ATP9A: variants seen among roughly 807,000 people sequenced by gnomAD.
ATP9A encodes ATPase phospholipid transporting 9A, also known as probable phospholipid-transporting ATPase IIA.
In ATP9A, 52 loss-of-function variants were observed where a neutral mutation model predicts 144.1. The ratio of observed to expected loss-of-function variants is 0.36; its 90% CI spans 0.29 to 0.45. ATP9A has a LOEUF of 0.45. ATP9A is among the 20% of genes least tolerant of loss of function. The probability of loss-of-function intolerance (pLI) is 1.00; values close to 1 mark genes in which losing one functional copy is unlikely to be tolerated. For missense variants in ATP9A, 947 were observed against 1,392.7 expected (o/e 0.68, Z 5.09); for synonymous variants, 582 against 557.4 (o/e 1.04, Z -0.62).
intron 1 of ATP9A, among the ~76,000 whole-genome samples, chr20:51,730,617 C>T (rs1240137388): frequency 6.6e-6 from 1 of 152,228 alleles, no homozygotes; most frequent in Admixed American, 6.5e-5. Flanking sequence ...ACTTACACAA[C>T]CTGGCTGCCA....
At chr20:51,763,639 GCT>G (rs1467988016) in intron 1 of ATP9A, among the ~76,000 whole-genome samples, 1 of 152,100 alleles carries the variant, frequency 6.6e-6, no homozygotes. Flanking sequence ...ATAGATGTAT[GCT>G]ATATAAATTA....
chr20:51,709,940 A>G (rs555806137), intron 4 of ATP9A, among the ~76,000 whole-genome samples: 1 of 152,214 alleles, frequency 6.6e-6, no homozygotes, highest in Non-Finnish European at 1.5e-5. Context: ...TCTATAATCT[A>G]GTGATCAAGG....
intron 27 of ATP9A, among the ~76,000 whole-genome samples, chr20:51,604,011 C>A (rs1056720038): frequency 1.3e-5 from 2 of 152,118 alleles, no homozygotes; most frequent in African/African-American, 4.8e-5. Flanking sequence ...AAACTCCTGA[C>A]CTCGTGATCC....
intron 22 of ATP9A, among the ~76,000 whole-genome samples, chr20:51,614,303 A>G (rs998733816): frequency 6.6e-6 from 1 of 151,988 alleles, no homozygotes; most frequent in South Asian, 2.1e-4. Context: ...GTATTTTTTA[A>G]TTTTTATTTT....
rs35997419 is a variant in ATP9A at position 51,600,807 on chromosome 20, AACACAC to A, written c.*398_*403del. The A allele has an allele frequency of 0.036, 4,386 of 120,600 alleles. 158 individuals carry two copies. Among genetic ancestry groups the A allele is most frequent in the African/African-American group, 0.095 (3,537 of 37,300 alleles). 7.5% of individuals were successfully genotyped at this position (120,600 alleles called of 1,614,324 possible). On this transcript the variant is annotated 3_prime_UTR_variant, in exon 28 of 28. Transcript: ENST00000338821. Reference sequence around the variant, plus strand: ...TACATACACATTAGGACTCTTTAAAAACACACACACACACACACACACACACACACA... The same window carrying A: ...TACATACACATTAGGACTCTTTAAAAACACACACACACACACACACACACA...
At chr20:51,713,538 G>C (rs1008190744) in intron 3 of ATP9A, among the ~76,000 whole-genome samples, 2 of 152,170 alleles carry the variant, frequency 1.3e-5, no homozygotes, top group Non-Finnish European at 2.9e-5. Flanking sequence ...GAGGCACAGA[G>C]AGGCTGAGTA....
At chr20:51,746,862 C>A (rs1012227133) in intron 1 of ATP9A, among the ~76,000 whole-genome samples, 2 of 150,794 alleles carry the variant, frequency 1.3e-5, no homozygotes, top group Non-Finnish European at 1.5e-5. Flanking sequence ...AAAAATCAAT[C>A]AGGTGTGGTG....
chr20:51,731,290 C>T (rs926353887), intron 1 of ATP9A, among the ~76,000 whole-genome samples: 1 of 151,854 alleles, frequency 6.6e-6, no homozygotes, highest in African/African-American at 2.4e-5. Flanking sequence ...CAGAGCGAGA[C>T]TCCGTCTCAA....
chr20:51,754,621 C>G (rs548280595), intron 1 of ATP9A, among the ~76,000 whole-genome samples: 232 of 151,912 alleles, frequency 1.5e-3, no homozygotes, highest in African/African-American at 5.2e-3. Flanking sequence ...TGAGACCAGC[C>G]TGGCCAACAT....
chr20:51,642,860 T>C (rs1195255372), intron 14 of ATP9A, among the ~76,000 whole-genome samples: 2 of 151,692 alleles, frequency 1.3e-5, no homozygotes, highest in African/African-American at 4.8e-5. Context: ...TAGTCCTTTC[T>C]TTCTCTGGAA....
At chr20:51,707,549 T>C (rs2077619875) in intron 4 of ATP9A, among the ~76,000 whole-genome samples, 1 of 152,128 alleles carries the variant, frequency 6.6e-6, no homozygotes, top group Non-Finnish European at 1.5e-5. Flanking sequence ...CTGATGTAGA[T>C]TCATTTACTG....
rs374486196 is a variant in ATP9A at position 51,755,735 on chromosome 20, G to A, written c.68+12567C>T. Among the ~76,000 whole-genome samples the A allele has an allele frequency of 3.3e-4, 50 of 152,164 alleles. No homozygotes were observed. The South Asian group carries it at 7.5e-3, about 23-fold the overall frequency. On this transcript the variant is annotated intron_variant, in intron 1 of 27. Coordinates refer to ENST00000338821, the MANE Select transcript of ATP9A (RefSeq NM_006045.3). ...TCCCAGCACTTTGGGAGGCCGAGGCGGGCAGGTCACAAGATCAAGACCATC... is the reference window on the plus strand; with the variant it reads ...TCCCAGCACTTTGGGAGGCCGAGGCAGGCAGGTCACAAGATCAAGACCATC...
intron 4 of ATP9A, among the ~76,000 whole-genome samples, chr20:51,711,292 AC>A (rs1159276942): frequency 6.6e-6 from 1 of 152,150 alleles, no homozygotes; most frequent in Non-Finnish European, 1.5e-5. Flanking sequence ...GTATTTTCAT[AC>A]CCTTGGGAAA....
At chr20:51,645,106 T>G (rs2077336826) in intron 14 of ATP9A, among the ~76,000 whole-genome samples, 1 of 152,216 alleles carries the variant, frequency 6.6e-6, no homozygotes, top group Non-Finnish European at 1.5e-5. Flanking sequence ...CAATTACAGC[T>G]GTATGTAAAC....
At chr20:51,748,726 G>A (rs956275064) in intron 1 of ATP9A, among the ~76,000 whole-genome samples, 1 of 152,072 alleles carries the variant, frequency 6.6e-6, no homozygotes, top group Admixed American at 6.6e-5. Context: ...CAGATATTCC[G>A]TGCAGTCTAA....
intron 7 of ATP9A, among the ~76,000 whole-genome samples, chr20:51,691,739 C>T (rs1050498774): frequency 2.0e-5 from 3 of 152,156 alleles, no homozygotes; most frequent in Non-Finnish European, 4.4e-5. Context: ...ATTCCACCTC[C>T]GGCTATATAC....
intron 4 of ATP9A, among the ~76,000 whole-genome samples, chr20:51,705,733 A>AC (rs1024815154): frequency 2.0e-5 from 3 of 152,032 alleles, no homozygotes; most frequent in Non-Finnish European, 2.9e-5. Context: ...AATCGAGGCA[A>AC]CCCCCCACCC....
chr20:51,644,798 A>C (rs1180413256), intron 14 of ATP9A, among the ~76,000 whole-genome samples: 1 of 115,202 alleles, frequency 8.7e-6, no homozygotes, highest in Non-Finnish European at 2.0e-5. Flanking sequence ...TATGGAAATG[A>C]TTTTTTTATT....
rs185485802 is a variant in ATP9A at position 51,658,766 on chromosome 20, T to A, written c.1294-1616A>T. ...AACTCCTGACCTCAAGCGATCCGCC[T>A]GCCTCGGCCTCCCAAAGTGCCGGGA... On this transcript the variant is annotated intron_variant, in intron 13 of 27. Transcript: ENST00000338821. 3.6e-4 allele frequency among the ~76,000 whole-genome samples: 55 copies of A among 151,728 alleles called. No individual in the cohort carries two copies. In the East Asian group the frequency reaches 0.01, roughly 29 times the overall value.
Sources: allele counts gnomAD v4.1 joint callset (sites outside exome capture counted in the v4.1 genomes callset), GRCh38; gene constraint gnomAD v4.1.1; transcripts MANE v1.5; gene names NCBI Gene and HGNC (gene_info 2026-07-23, HGNC 2026-07-21).